The following KCNIP1 variants were observed in gnomAD, a reference collection of about 807,000 sequenced individuals.
KCNIP1 encodes the protein potassium voltage-gated channel interacting protein 1, also known as A-type potassium channel modulatory protein KCNIP1.
Under a neutral mutation model 33.0 loss-of-function variants are expected in KCNIP1, and 18 were observed. The ratio of observed to expected loss-of-function variants is 0.55; its 90% CI spans 0.38 to 0.81. KCNIP1 has a LOEUF of 0.81. Among genes scored for constraint, KCNIP1 ranks in the 30% least tolerant of loss-of-function variants. The probability of loss-of-function intolerance (pLI) is 0.00; values close to 1 mark genes in which losing one functional copy is unlikely to be tolerated. For synonymous variants in KCNIP1, 93 were observed against 98.3 expected, an observed-to-expected ratio of 0.95 and a Z score of 0.32; for missense variants, 238 against 271.6, an observed-to-expected ratio of 0.88 and a Z score of 0.87.
At chr5:170,354,247 T>C (rs569204162) in intron 1 of KCNIP1, among the ~76,000 whole-genome samples, 3 of 152,288 alleles carry the variant, frequency 2.0e-5, no homozygotes, top group East Asian at 1.9e-4. Context: ...TAGAACCCTT[T>C]CCAGAGCATT....
chr5:170,379,418 G>A (rs890327911), intron 1 of KCNIP1, among the ~76,000 whole-genome samples: 2 of 152,186 alleles, frequency 1.3e-5, no homozygotes, highest in Admixed American at 6.5e-5. Flanking sequence ...ATTTGAAATC[G>A]AGATCATGTG....
In KCNIP1 at chr5:170,735,870, A is replaced by T. The variant is rs1013735477; in HGVS notation, c.*64A>T. The stretch of plus-strand genomic sequence containing the variant: ...ACTAAACAACCACCTTAACACCCTG[A>T]TCTGCCCTTGTTCTGATTTTACACA... On this transcript the variant is annotated 3_prime_UTR_variant, in exon 8 of 8. Coordinates refer to ENST00000328939, the MANE Select transcript of KCNIP1 (RefSeq NM_014592.4). The T allele has an allele frequency of 2.5e-5, 35 of 1,389,888 alleles. No individual in the cohort carries two copies. The African/African-American group carries it at 4.4e-4, about 17-fold the overall frequency. The allele number at this position is 1,389,888 out of a possible 1,614,324, so 86.1% of individuals were successfully genotyped here.
At chr5:170,450,889 T>A (rs993104032) in intron 1 of KCNIP1, among the ~76,000 whole-genome samples, 2 of 152,204 alleles carry the variant, frequency 1.3e-5, no homozygotes, top group African/African-American at 4.8e-5. Context: ...AGGGTGGGAC[T>A]GTGGCTGACA....
intron 1 of KCNIP1, among the ~76,000 whole-genome samples, chr5:170,392,122 T>C (rs935777375): frequency 5.3e-5 from 8 of 152,132 alleles, no homozygotes; most frequent in African/African-American, 1.9e-4. Flanking sequence ...AGCCACCATG[T>C]TGTAGGAAGC....
chr5:170,490,827 C>T (rs1377871528), intron 1 of KCNIP1, among the ~76,000 whole-genome samples: 2 of 152,214 alleles, frequency 1.3e-5, no homozygotes, highest in African/African-American at 4.8e-5. Flanking sequence ...CTTCTCTCTG[C>T]ACCTTGAGCA....
chr5:170,459,987 T>C (rs756635544), intron 1 of KCNIP1, among the ~76,000 whole-genome samples: 40 of 152,054 alleles, frequency 2.6e-4, no homozygotes, highest in Non-Finnish European at 5.0e-4. Context: ...ATAAGCTCAA[T>C]TAGAAATGAA....
At chr5:170,441,352 G>A (rs1251883215) in intron 1 of KCNIP1, among the ~76,000 whole-genome samples, 1 of 152,160 alleles carries the variant, frequency 6.6e-6, no homozygotes, top group African/African-American at 2.4e-5. Context: ...CAGGGAGTGT[G>A]GAACAAACGA....
chr5:170,453,650 G>A (rs1756307509), intron 1 of KCNIP1, among the ~76,000 whole-genome samples: 1 of 152,204 alleles, frequency 6.6e-6, no homozygotes, highest in Non-Finnish European at 1.5e-5. Context: ...AGTGGAATAT[G>A]GCGGAGGTGG....
intron 1 of KCNIP1, among the ~76,000 whole-genome samples, chr5:170,566,356 G>A (rs1757205487): frequency 1.3e-5 from 2 of 152,182 alleles, no homozygotes; most frequent in Non-Finnish European, 1.5e-5. Flanking sequence ...GCCTCCCAAA[G>A]TGCTGGGATT....
At chr5:170,429,660 C>A (rs1178867777) in intron 1 of KCNIP1, among the ~76,000 whole-genome samples, 1 of 152,196 alleles carries the variant, frequency 6.6e-6, no homozygotes, top group Non-Finnish European at 1.5e-5. Context: ...TTATCCCACT[C>A]TCTACATCCA....
chr5:170,501,595 G>A (rs950350380), upstream of KCNIP1, among the ~76,000 whole-genome samples: 2 of 152,238 alleles, frequency 1.3e-5, no homozygotes, highest in Non-Finnish European at 1.5e-5. Context: ...CTTCTTCAGT[G>A]GGTTGTGGGG....
At chr5:170,408,616 C>T (rs368494154) in intron 1 of KCNIP1, among the ~76,000 whole-genome samples, 6 of 151,982 alleles carry the variant, frequency 3.9e-5, no homozygotes, top group African/African-American at 7.3e-5. Context: ...CCTTCTCGGG[C>T]GATGAGAGAA....
intron 1 of KCNIP1, among the ~76,000 whole-genome samples, chr5:170,560,344 G>A (rs1756991612): frequency 6.6e-6 from 1 of 152,196 alleles, no homozygotes; most frequent in Admixed American, 6.5e-5. Flanking sequence ...CATTGGGTCA[G>A]GTTTCAGATC....
intron 1 of KCNIP1, among the ~76,000 whole-genome samples, chr5:170,652,142 G>A (rs1377440562): frequency 6.6e-6 from 1 of 152,064 alleles, no homozygotes; most frequent in African/African-American, 2.4e-5. Flanking sequence ...GTGCCTGGTT[G>A]CCAGGTTAGT....
chr5:170,362,426 G>C (rs1763538804), intron 1 of KCNIP1, among the ~76,000 whole-genome samples: 1 of 152,172 alleles, frequency 6.6e-6, no homozygotes, highest in African/African-American at 2.4e-5. Context: ...TCGAAATCAA[G>C]ACTTCAGGAC....
chr5:170,403,029 GATTT>G (rs758259439), intron 1 of KCNIP1, among the ~76,000 whole-genome samples: 1 of 152,124 alleles, frequency 6.6e-6, no homozygotes. Flanking sequence ...CCCACTATAT[GATTT>G]ATCTATATGC....
intron 1 of KCNIP1, among the ~76,000 whole-genome samples, chr5:170,471,591 G>C (rs1311400030): frequency 2.6e-5 from 4 of 152,148 alleles, no homozygotes; most frequent in Non-Finnish European, 4.4e-5. Flanking sequence ...CTGAAGCTTG[G>C]CTCCACATGC....
At chr5:170,444,774 C>T (rs1036349071) in intron 1 of KCNIP1, among the ~76,000 whole-genome samples, 2 of 151,062 alleles carry the variant, frequency 1.3e-5, no homozygotes, top group South Asian at 2.1e-4. Flanking sequence ...AGAAGATCTG[C>T]GGGCAAGGAT....
intron 1 of KCNIP1, among the ~76,000 whole-genome samples, chr5:170,519,948 G>A (rs753313065): frequency 1.1e-4 from 17 of 152,062 alleles, no homozygotes; most frequent in Non-Finnish European, 1.8e-4. Context: ...GGGGGTGAGC[G>A]AAAGCATGAA....
Sources: allele counts gnomAD v4.1 joint callset (sites outside exome capture counted in the v4.1 genomes callset), GRCh38; gene constraint gnomAD v4.1.1; transcripts MANE v1.5; gene names NCBI Gene and HGNC (gene_info 2026-07-23, HGNC 2026-07-21).